SLC5A9: variants seen among roughly 807,000 people sequenced by gnomAD.
The protein encoded by SLC5A9 is solute carrier family 5 member 9.
SLC5A9 carries 59 observed loss-of-function variants against 70.9 expected under a neutral mutation model. That is an observed-to-expected ratio of 0.83 (90% CI 0.68 to 1.03). The LOEUF is 1.03. SLC5A9 is among the 50% of genes least tolerant of loss of function. The pLI is 0.00. For missense variants in SLC5A9, 832 were observed against 881.1 expected, an observed-to-expected ratio of 0.94 and a Z score of 0.71; for synonymous variants, 340 against 346.5, an observed-to-expected ratio of 0.98 and a Z score of 0.21.
In SLC5A9 at chr1:48,242,545, G is replaced by C; in HGVS notation, c.1766G>C (p.Arg589Thr). 1 of 1,613,878 alleles carries C rather than the reference G, an allele frequency of 6.2e-7. No homozygotes were observed. Among genetic ancestry groups the C allele is most frequent in the East Asian group, 2.2e-5 (1 of 44,874 alleles). The change falls in exon 13 of 14, where the codon AGG becomes ACG. Residue 589 changes from arginine (R) to threonine (T), a missense_variant. Transcript: ENST00000438567. ...AHESTPEISE[R>T]PAGECPAGGG... ...GAGAGCACACCGGAGATATCCGAGAGGCCAGCCGGGGAGTGCCCTGCAGGA... is the reference window on the plus strand; with the variant it reads ...GAGAGCACACCGGAGATATCCGAGACGCCAGCCGGGGAGTGCCCTGCAGGA...
At position 48,232,493 on chromosome 1, in the gene SLC5A9, C is replaced by T. The variant is rs1375813163; in HGVS notation, c.1024C>T (p.Leu342=). 6.2e-7 allele frequency: 1 copy of T among 1,614,200 alleles called. No individual in the cohort carries two copies. The highest frequency in any genetic ancestry group is 8.5e-7 in the Non-Finnish European group (1 of 1,180,038). The change falls in exon 8 of 14, where the codon CTG becomes TTG. Residue 342 remains leucine, a synonymous_variant. Transcript: ENST00000438567. The part of the protein sequence containing the change: ...IVMPGMISRA[L]FPDEVGCVDP... ...CATGCCTGGCATGATCAGCCGGGCC[C>T]TGTTCCCAGGTAAGAACGAGCCTTG...
In SLC5A9 at chr1:48,230,675, C is replaced by T. The variant is rs773121700; in HGVS notation, c.580C>T (p.Leu194=). Residue 194 remains leucine (L), a synonymous_variant, in exon 5 of 14, where the codon CTG becomes TTG. Coordinates refer to ENST00000438567, the MANE Select transcript of SLC5A9 (RefSeq NM_001011547.3). ...WNLYLSTGIL[L]VVTAVYTIAG... ...CCTGTACCTCTCCACAGGGATCCTG[C>T]TGGTGGTGACTGCCGTCTACACCAT... The T allele has an allele frequency of 5.0e-6, 8 of 1,613,756 alleles. No homozygotes were observed. In the Admixed American group the frequency reaches 1.3e-4, roughly 27 times the overall value.
rs1176364534 is a variant in SLC5A9, at chr1:48,247,777, C to T, written c.*234C>T. On this transcript the variant is annotated 3_prime_UTR_variant, in exon 14 of 14. Coordinates refer to ENST00000438567, the MANE Select transcript of SLC5A9 (RefSeq NM_001011547.3). ...ACCCAGAAGGTGTCACACGGGGTTTCCCCACTCTTTCTGATATATTGCCTT... is the reference window on the plus strand; with the variant it reads ...ACCCAGAAGGTGTCACACGGGGTTTTCCCACTCTTTCTGATATATTGCCTT... 1.7e-6 allele frequency: 1 copy of T among 573,976 alleles called. No homozygotes were observed. 35.6% of individuals were successfully genotyped at this position (573,976 alleles called of 1,614,324 possible).
rs1304672424 is a variant in SLC5A9, at chr1:48,229,341, A to G, written c.386A>G (p.Tyr129Cys). The change falls in exon 4 of 14, where the codon TAC becomes TGC. Residue 129 changes from tyrosine (Y) to cysteine (C), a missense_variant. Tyr to Cys is a radical substitution (Grantham distance 194, BLOSUM62 -2). Transcript: ENST00000438567. ...CTTGGCTGGGTCTTCGTCCCTGTGTACATCGCAGCAGGTGTGGTCACAATG... is the reference window on the plus strand; with the variant it reads ...CTTGGCTGGGTCTTCGTCCCTGTGTGCATCGCAGCAGGTGTGGTCACAATG... ...LALGWVFVPV[Y>C]IAAGVVTMPQ... 1.2e-6 allele frequency: 2 copies of G among 1,613,906 alleles called. No individual in the cohort carries two copies. Among genetic ancestry groups the G allele is most frequent in the African/African-American group, 1.3e-5 (1 of 74,898 alleles).
At chr1:48,242,654 G>A in intron 13 of SLC5A9, 38 bp downstream of exon 13, 1 of 1,564,904 alleles carries the variant, frequency 6.4e-7, no homozygotes, top group Non-Finnish European at 8.7e-7. Context: ...CATCACAGAG[G>A]AACAGGGGGG....
intron 6 of SLC5A9, 113 bp from the exon 7 acceptor site, chr1:48,231,833 C>T (rs1336967057): frequency 1.9e-6 from 3 of 1,553,358 alleles, no homozygotes; most frequent in Non-Finnish European, 2.6e-6. Flanking sequence ...CTCCTTCACC[C>T]CCAATCCCCA....
chr1:48,247,227 T>G, intron 13 of SLC5A9, 108 bp from the exon 14 acceptor site: 1 of 996,648 alleles, frequency 1.0e-6, no homozygotes, highest in African/African-American at 1.6e-5. Context: ...TTTCCATCAG[T>G]ATCTCACCAT....
At chr1:48,232,995 G>A (rs1348869349) in intron 8 of SLC5A9, among the ~76,000 whole-genome samples, 2 of 107,622 alleles carry the variant, frequency 1.9e-5, no homozygotes, top group African/African-American at 7.1e-5. Flanking sequence ...GAAGGAAGGG[G>A]AAGGAAGGAA....
At chr1:48,230,101 C>T (rs1557470861) in intron 4 of SLC5A9, among the ~76,000 whole-genome samples, 2 of 152,228 alleles carry the variant, frequency 1.3e-5, no homozygotes, top group African/African-American at 4.8e-5. Flanking sequence ...GCTATAAGCC[C>T]ATGTCTGCTA....
At position 48,239,489 on chromosome 1, in the gene SLC5A9, C is replaced by T. The variant is rs547446594; in HGVS notation, c.1629C>T (p.Ile543=). The change falls in exon 12 of 14, where the codon ATC becomes ATT. Residue 543 remains isoleucine (I), a synonymous_variant. Transcript: ENST00000438567. This position sits in a 1 kb window ranked among gnomAD's most constrained non-coding sequence, Gnocchi z 4.2. ...FAILLCGLTA[I]VIVIVSLCTT... ...TCCTCCTCTGCGGGCTCACTGCCAT[C>T]GTCATTGTCATTGTCAGCCTCTGTA... 26 of 1,614,176 alleles carry T rather than the reference C, an allele frequency of 1.6e-5. 1 individual carries two copies. Among genetic ancestry groups the T allele is most frequent in the South Asian group, 7.7e-5 (7 of 91,072 alleles).
chr1:48,232,265 G>T, intron 7 of SLC5A9, 102 bp from the exon 8 acceptor site: 1 of 1,556,728 alleles, frequency 6.4e-7, no homozygotes. Context: ...ATTGTGACTG[G>T]ACTGGAGTAG....
At chr1:48,242,054 A>AAAG (rs1442351756) in intron 12 of SLC5A9, 1 of 459,082 alleles carries the variant, frequency 2.2e-6, no homozygotes, top group Non-Finnish European at 4.4e-6. Flanking sequence ...TCTGCTGCTT[A>AAAG]AAGTCTGCAG....
intron 12 of SLC5A9, chr1:48,241,841 A>C (rs959450372): frequency 2.3e-6 from 1 of 440,788 alleles, no homozygotes; most frequent in Non-Finnish European, 4.6e-6. Context: ...TGGTCACCCA[A>C]GGCAGGAACC....
rs547446594 is a variant in SLC5A9, at chr1:48,239,489, C to A, written c.1629C>A (p.Ile543=). ...TCCTCCTCTGCGGGCTCACTGCCAT[C>A]GTCATTGTCATTGTCAGCCTCTGTA... The part of the protein sequence containing the change: ...FAILLCGLTA[I]VIVIVSLCTT... Residue 543 remains isoleucine, a synonymous_variant, in exon 12 of 14, where the codon ATC becomes ATA. Coordinates refer to ENST00000438567, the MANE Select transcript of SLC5A9 (RefSeq NM_001011547.3). This position sits in a 1 kb window ranked among gnomAD's most constrained non-coding sequence, Gnocchi z 4.2. 1.2e-6 allele frequency: 2 copies of A among 1,614,176 alleles called. No homozygotes were observed. Among genetic ancestry groups the A allele is most frequent in the Admixed American group, 1.7e-5 (1 of 60,028 alleles).
chr1:48,226,944 AGT>A (rs1297307240), intron 2 of SLC5A9, among the ~76,000 whole-genome samples: 1 of 151,968 alleles, frequency 6.6e-6, no homozygotes, highest in African/African-American at 2.4e-5. Context: ...AGGAAGAGTG[AGT>A]GTGTGTGTGA....
At chr1:48,231,922 G>C (rs1277983717) in intron 6 of SLC5A9, 24 bp from the exon 7 acceptor site, 1 of 1,613,882 alleles carries the variant, frequency 6.2e-7, no homozygotes, top group East Asian at 2.2e-5. Flanking sequence ...TTTCAGGGCT[G>C]CTTCACTCAC....
In SLC5A9 at chr1:48,229,469, AC is replaced by A. The variant is rs746150644; in HGVS notation, c.504+11del. 9 of 1,613,626 alleles carry A rather than the reference AC, an allele frequency of 5.6e-6. No homozygotes were observed. Among genetic ancestry groups the A allele is most frequent in the Non-Finnish European group, 6.8e-6 (8 of 1,179,628 alleles). On this transcript the variant is annotated intron_variant, in intron 4 of 13. Transcript: ENST00000438567. Reference sequence around the variant, plus strand: ...CTTCACCAAGATCTCGGTAGGTGTCACTGCAATGTGGTCACTGTGTCTGGAA... The same window carrying A: ...CTTCACCAAGATCTCGGTAGGTGTCATGCAATGTGGTCACTGTGTCTGGAA...
intron 1 of SLC5A9, among the ~76,000 whole-genome samples, chr1:48,223,896 C>A (rs776749791): frequency 3.9e-5 from 6 of 152,174 alleles, no homozygotes; most frequent in Non-Finnish European, 8.8e-5. Context: ...ATTTTCACAT[C>A]TGTAAAATGG....
chr1:48,242,596 T>C lies in SLC5A9; in HGVS notation c.1817T>C (p.Leu606Pro). The C allele has an allele frequency of 6.2e-7, 1 of 1,611,728 alleles. No homozygotes were observed. The highest frequency in any genetic ancestry group is 8.5e-7 in the Non-Finnish European group (1 of 1,179,030). ...GGTGGAGCGGCAGAGAACTCGAGCC[T>C]GGGCCAGGAGCAGCCTGAAGGTAGG... The part of the protein sequence containing the change: ...AGGGAAENSS[L>P]GQEQPEAPSR... Residue 606 changes from leucine to proline, a missense_variant, in exon 13 of 14, where the codon CTG becomes CCG. By Grantham distance (98) the Leu-to-Pro change is moderately conservative (BLOSUM62 -3). Transcript: ENST00000438567.
Sources: allele counts gnomAD v4.1 joint callset (sites outside exome capture counted in the v4.1 genomes callset), GRCh38; gene constraint gnomAD v4.1.1; non-coding constraint Gnocchi (gnomAD v3.1); transcripts MANE v1.5; gene names NCBI Gene and HGNC (gene_info 2026-07-23, HGNC 2026-07-21).